The following RELN variants were observed in gnomAD, a reference collection of about 807,000 sequenced individuals.
RELN encodes the protein reelin.
In RELN, 108 loss-of-function variants were observed where a neutral mutation model predicts 427.6. The observed-to-expected ratio is 0.25, with a 90% CI of 0.22 to 0.30. The LOEUF is 0.30. Ranked by LOEUF, RELN falls within the 10% of genes least tolerant of loss-of-function variation. The pLI is 1.00. For missense variants in RELN, 3,715 were observed against 4,302.8 expected (o/e 0.86, Z 3.82); for synonymous variants, 1,524 against 1,513.4 (o/e 1.01, Z -0.16).
intron 64 of RELN, among the ~76,000 whole-genome samples, chr7:103,476,283 G>A (rs1304319595): frequency 6.6e-6 from 1 of 152,072 alleles, no homozygotes; most frequent in Non-Finnish European, 1.5e-5. Context: ...CTAACAGAGT[G>A]AAACCCCATC....
At chr7:103,505,010 C>T (rs1829160765) in intron 51 of RELN, among the ~76,000 whole-genome samples, 1 of 152,164 alleles carries the variant, frequency 6.6e-6, no homozygotes, top group African/African-American at 2.4e-5. Flanking sequence ...GGCCAACTGC[C>T]ACTCTAGATT....
chr7:103,944,998 A>C (rs962137699), intron 1 of RELN, among the ~76,000 whole-genome samples: 15 of 151,824 alleles, frequency 9.9e-5, no homozygotes, highest in Non-Finnish European at 1.6e-4. Flanking sequence ...AAAAACAAAC[A>C]AAAAAAACAC....
At chr7:103,835,122 A>G (rs1793367534) in intron 2 of RELN, among the ~76,000 whole-genome samples, 1 of 152,230 alleles carries the variant, frequency 6.6e-6, no homozygotes, top group Non-Finnish European at 1.5e-5. Context: ...CTAAAAAGAA[A>G]TGATCTATGA....
intron 42 of RELN, among the ~76,000 whole-genome samples, chr7:103,544,103 C>T (rs772591016): frequency 6.6e-6 from 1 of 151,646 alleles, no homozygotes; most frequent in East Asian, 1.9e-4. Context: ...GTATTTCATT[C>T]CTTTTTATGG....
chr7:103,950,186 C>T (rs888831947), intron 1 of RELN, among the ~76,000 whole-genome samples: 2 of 152,096 alleles, frequency 1.3e-5, no homozygotes, highest in Non-Finnish European at 2.9e-5. Flanking sequence ...AATCCTTTCA[C>T]GAAGGTTCCG....
chr7:103,472,709 G>T lies in RELN; in HGVS notation c.*103C>A. ...AGAAGGGCTTTCAGGTAATCACCAA[G>T]TCCTTCACAGATATTTCCTGATATC... On this transcript the variant is annotated 3_prime_UTR_variant, in exon 65 of 65. Transcript: ENST00000428762. 1.1e-6 allele frequency: 1 copy of T among 931,744 alleles called. No individual in the cohort carries two copies. The highest frequency in any genetic ancestry group is 1.7e-6 in the Non-Finnish European group (1 of 578,940). The allele number at this position is 931,744 out of a possible 1,614,324, so 57.7% of individuals were successfully genotyped here. A position where few individuals can be genotyped will look rare whatever the true frequency, so the allele number is the denominator to read the frequency against.
In RELN at chr7:103,817,957, A is replaced by G. The variant is rs533493772; in HGVS notation, c.473+15580T>C. On this transcript the variant is annotated intron_variant, in intron 3 of 64. Transcript: ENST00000428762. ...CATCTCAAAAAAAAAAAAAAAAAAA[A>G]AAAAGAAAAGAAAAAAAGTGAATTT... Among the ~76,000 whole-genome samples, 35 of 150,368 alleles carry G rather than the reference A, an allele frequency of 2.3e-4. No homozygotes were observed. The South Asian group carries it at 5.3e-3, about 23-fold the overall frequency.
At chr7:103,939,191 G>A (rs1191647079) in intron 1 of RELN, among the ~76,000 whole-genome samples, 4 of 151,948 alleles carry the variant, frequency 2.6e-5, no homozygotes, top group African/African-American at 4.8e-5. Flanking sequence ...TCAGGTGATC[G>A]GCCCACCTTG....
At position 103,542,741 on chromosome 7, in the gene RELN, A is replaced by G; in HGVS notation, c.6661T>C (p.Ser2221Pro). 2.5e-6 allele frequency: 4 copies of G among 1,614,112 alleles called. No individual in the cohort carries two copies. Among genetic ancestry groups the G allele is most frequent in the Non-Finnish European group, 2.5e-6 (3 of 1,179,980 alleles). ...RMLMTRDLDL[S>P]HARFVQFFMR... ...TCTAAAAATGATTACCTAGCATGTG[A>G]TAAATCCAGGTCTCGTGTCATCAAC... Residue 2221 changes from serine to proline, a missense_variant, in exon 43 of 65, where the codon TCA becomes CCA. Ser to Pro is a moderately conservative substitution (Grantham distance 74). This residue lies in a region of RELN where 1,310 missense variants were observed against 1,643.0 expected (regional missense o/e 0.80). Coordinates refer to ENST00000428762, the MANE Select transcript of RELN (RefSeq NM_005045.4).
chr7:103,616,856 A>G (rs1832091898), intron 20 of RELN, among the ~76,000 whole-genome samples: 1 of 152,202 alleles, frequency 6.6e-6, no homozygotes, highest in Non-Finnish European at 1.5e-5. Context: ...AAATGCTTCT[A>G]TAATATACAT....
intron 2 of RELN, among the ~76,000 whole-genome samples, chr7:103,897,568 G>A (rs1428923010): frequency 6.6e-6 from 1 of 151,972 alleles, no homozygotes; most frequent in Non-Finnish European, 1.5e-5. Flanking sequence ...GAAGAGAGTT[G>A]TTTATATACA....
intron 45 of RELN, 66 bp downstream of exon 45, chr7:103,539,012 G>T: frequency 1.3e-6 from 2 of 1,587,388 alleles, no homozygotes; most frequent in Non-Finnish European, 1.7e-6. Flanking sequence ...GTAGTCCTAT[G>T]ACAGAGGCAG....
intron 61 of RELN, among the ~76,000 whole-genome samples, chr7:103,485,717 T>C (rs900979772): frequency 3.2e-4 from 48 of 152,244 alleles, no homozygotes; most frequent in African/African-American, 1.1e-3. Context: ...TCAGCAATTA[T>C]AGCACATAAA....
intron 1 of RELN, among the ~76,000 whole-genome samples, chr7:103,917,859 C>T (rs986326201): frequency 3.9e-5 from 6 of 152,202 alleles, no homozygotes; most frequent in Admixed American, 6.5e-5. Flanking sequence ...ACGTATGCTA[C>T]TCAGGCTTGG....
intron 3 of RELN, among the ~76,000 whole-genome samples, chr7:103,790,730 G>A (rs1365256138): frequency 6.6e-6 from 1 of 152,148 alleles, no homozygotes; most frequent in Non-Finnish European, 1.5e-5. Context: ...TTGGGAGGCT[G>A]AGGCGGGTGG....
intron 1 of RELN, among the ~76,000 whole-genome samples, chr7:103,946,739 G>A (rs1201316095): frequency 1.3e-5 from 2 of 152,170 alleles, no homozygotes; most frequent in Admixed American, 1.3e-4. Context: ...GTATGTTGGA[G>A]GAGAACGTGA....
chr7:103,946,400 G>C (rs529731489), intron 1 of RELN, among the ~76,000 whole-genome samples: 2 of 152,170 alleles, frequency 1.3e-5, no homozygotes, highest in East Asian at 3.9e-4. Flanking sequence ...AAAAAGGTGA[G>C]AAGTTCAAAT....
At chr7:103,984,463 A>G (rs1186815038) in intron 1 of RELN, among the ~76,000 whole-genome samples, 2 of 152,182 alleles carry the variant, frequency 1.3e-5, no homozygotes, top group African/African-American at 2.4e-5. Flanking sequence ...GGAATGAATG[A>G]AGTAGGAATT....
At chr7:103,954,914 C>T (rs1456449671) in intron 1 of RELN, among the ~76,000 whole-genome samples, 1 of 152,160 alleles carries the variant, frequency 6.6e-6, no homozygotes, top group Admixed American at 6.5e-5. Flanking sequence ...TCAGAAAATA[C>T]AATTAGCAAG....
Sources: allele counts gnomAD v4.1 joint callset (sites outside exome capture counted in the v4.1 genomes callset), GRCh38; gene constraint gnomAD v4.1.1; regional missense constraint gnomAD v4.1.1; transcripts MANE v1.5; gene names NCBI Gene and HGNC (gene_info 2026-07-23, HGNC 2026-07-21).